KMT2B: variants seen among roughly 807,000 people sequenced by gnomAD.
KMT2B encodes histone-lysine N-methyltransferase 2B.
KMT2B carries 22 observed loss-of-function variants against 255.3 expected under a neutral mutation model. That is an observed-to-expected ratio of 0.09 (90% confidence interval 0.06 to 0.12). KMT2B has a LOEUF of 0.12. Among genes scored for constraint, KMT2B ranks in the 10% least tolerant of loss-of-function variants. The pLI is 1.00. For synonymous variants in KMT2B, 1,730 were observed against 1,498.1 expected, an observed-to-expected ratio of 1.15 and a Z score of -3.57; for missense variants, 3,149 against 3,737.0, an observed-to-expected ratio of 0.84 and a Z score of 4.10.
At chr19:35,730,486 GTCC>G in intron 24 of KMT2B, 24 bp downstream of exon 24, 2 of 1,613,936 alleles carry the variant, frequency 1.2e-6, no homozygotes, top group South Asian at 1.1e-5. Context: ...TCTCCGCCCT[GTCC>G]TCCTACCCTG....
intron 19 of KMT2B, 56 bp from the exon 20 acceptor site, chr19:35,728,718 C>T: frequency 7.3e-7 from 1 of 1,378,858 alleles, no homozygotes; most frequent in Non-Finnish European, 1.0e-6. Context: ...TGTGGATGGG[C>T]CCCCGTTCAG....
At position 35,718,628 on chromosome 19, in the gene KMT2B, A is replaced by T. The variant is rs1969054636; in HGVS notation, c.363+247A>T. 6.6e-6 allele frequency among the ~76,000 whole-genome samples: 1 copy of T among 152,146 alleles called. No individual in the cohort carries two copies. The highest frequency in any genetic ancestry group is 1.5e-5 in the Non-Finnish European group (1 of 68,028). ...GGTCCCGCTGAAGTGTCTTGGGCCG[A>T]TCCTTTTCGGCAGCTGGCAAAGCTA... is the stretch of plus-strand genomic sequence containing the variant. On this transcript the variant is annotated intron_variant, in intron 1 of 36. Coordinates refer to ENST00000420124, the MANE Select transcript of KMT2B (RefSeq NM_014727.3). This position sits in a 1 kb window ranked among gnomAD's most constrained non-coding sequence, Gnocchi z 5.0.
At position 35,734,486 on chromosome 19, in the gene KMT2B, G is replaced by A. The variant is rs779257585; in HGVS notation, c.7159+614G>A. On this transcript the variant is annotated intron_variant, in intron 30 of 36. Transcript: ENST00000420124. ...CGGGAGCGGGAGGTGGGCGAGCAGC[G>A]TGGAGGTGCTTGGTGTGAGGGCCAA... Among the ~76,000 whole-genome samples, 5 of 152,286 alleles carry A rather than the reference G, an allele frequency of 3.3e-5. No homozygotes were observed. The South Asian group carries it at 8.3e-4, about 25-fold the overall frequency.
Position 35,732,824 on chromosome 19 carries a change from G to T in KMT2B, c.6275G>T (p.Arg2092Leu). The T allele has an allele frequency of 6.2e-7, 1 of 1,606,782 alleles. No homozygotes were observed. Among genetic ancestry groups the T allele is most frequent in the Non-Finnish European group, 8.5e-7 (1 of 1,177,390 alleles). Residue 2092 changes from arginine to leucine, a missense_variant, in exon 28 of 37, where the codon CGG becomes CTG. Transcript: ENST00000420124. ...CCTCCTTCGGGGCCAGGAGTAGTCC[G>T]GGCAGGGGTCCTTGGGGCTGCAGGG... ...GTPPSGPGVV[R>L]AGVLGAAGDR...
rs374062006 is a variant in KMT2B, at chr19:35,732,719, G to T, written c.6170G>T (p.Arg2057Leu). 4 of 1,609,858 alleles carry T rather than the reference G, an allele frequency of 2.5e-6. No homozygotes were observed. Among genetic ancestry groups the T allele is most frequent in the South Asian group, 1.1e-5 (1 of 90,536 alleles). The part of the protein sequence containing the change: ...LAPSATPGAP[R>L]IEQLDGVDDG... ...CCCAGCGCTACCCCTGGAGCCCCCC[G>T]CATTGAACAGCTGGACGGCGTGGAC... The change falls in exon 28 of 37, where the codon CGC becomes CTC. Residue 2057 changes from arginine (R) to leucine (L), a missense_variant. Arg to Leu is a moderately radical substitution (Grantham distance 102). Transcript: ENST00000420124.
At position 35,732,675 on chromosome 19, in the gene KMT2B, G is replaced by A; in HGVS notation, c.6126G>A (p.Val2042=). 2 of 1,609,464 alleles carry A rather than the reference G, an allele frequency of 1.2e-6. No homozygotes were observed. The highest frequency in any genetic ancestry group is 1.7e-6 in the Non-Finnish European group (2 of 1,178,114). ...SRYIHFPVTV[V]SAPGLAPSAT... is the part of the protein sequence containing the mutation. ...ACATCCACTTCCCTGTGACTGTGGT[G>A]TCCGCCCCTGGTCTGGCCCCCAGCG... Residue 2042 remains valine, a synonymous_variant, in exon 28 of 37, where the codon GTG becomes GTA. Transcript: ENST00000420124.
chr19:35,731,833 G>C, intron 26 of KMT2B, 75 bp from the exon 27 acceptor site: 4 of 1,152,502 alleles, frequency 3.5e-6, no homozygotes, highest in Middle Eastern at 3.9e-4. Context: ...AGGCATAGTG[G>C]CTCAGGATGA....
In KMT2B at chr19:35,719,837, C is replaced by T. The variant is rs773749210; in HGVS notation, c.490C>T (p.Pro164Ser). Residue 164 changes from proline to serine, a missense_variant, in exon 3 of 37, where the codon CCT becomes TCT. By Grantham distance (74) the Pro-to-Ser change is moderately conservative. Around this residue, in one of 18 missense-constraint regions of KMT2B, gnomAD observed 1,188 missense variants for 1,106.4 expected, o/e 1.07. Coordinates refer to ENST00000420124, the MANE Select transcript of KMT2B (RefSeq NM_014727.3). ...GCATAAGACGACCCCCCTTCCTCCT[C>T]CTCGCCTAGCAGATGTGGCTCCTAC... is the stretch of plus-strand genomic sequence containing the variant. ...RKHKTTPLPPPRLADVAPTPP... is the reference protein window; with the variant it reads ...RKHKTTPLPPSRLADVAPTPP... 5.6e-6 allele frequency: 9 copies of T among 1,612,272 alleles called. No homozygotes were observed. The highest frequency in any genetic ancestry group is 4.4e-5 in the South Asian group (4 of 90,976).
chr19:35,725,854 A>G lies in KMT2B; in HGVS notation c.3885+36A>G. On this transcript the variant is annotated intron_variant, in intron 13 of 36. Transcript: ENST00000420124. The surrounding 1 kb of genome is among the most constrained non-coding windows in gnomAD (Gnocchi z 4.1). Reference sequence around the variant, plus strand: ...AGGTTCACCCACTTGCTTTGTCTCTAATGAATATCACCACCACCCCCAAAC... The same window carrying G: ...AGGTTCACCCACTTGCTTTGTCTCTGATGAATATCACCACCACCCCCAAAC... 2 of 1,509,754 alleles carry G rather than the reference A, an allele frequency of 1.3e-6. No individual in the cohort carries two copies. The highest frequency in any genetic ancestry group is 1.8e-6 in the Non-Finnish European group (2 of 1,108,932). 93.5% of individuals were successfully genotyped at this position (1,509,754 alleles called of 1,614,324 possible).
rs377239282 is a variant in KMT2B, at chr19:35,721,092, C to G, written c.1745C>G (p.Ser582Cys). 16 of 1,611,244 alleles carry G rather than the reference C, an allele frequency of 9.9e-6. No individual in the cohort carries two copies. The highest frequency in any genetic ancestry group is 1.3e-5 in the Non-Finnish European group (15 of 1,179,140). The part of the protein sequence containing the change: ...PVPQEPAPVP[S>C]PPRAPTPPST... The stretch of plus-strand genomic sequence containing the variant: ...CCCCAGGAGCCAGCACCAGTCCCCT[C>G]TCCACCACGTGCCCCAACTCCTCCA... The change falls in exon 3 of 37, where the codon TCT (serine) becomes TGT (cysteine). Residue 582 changes from serine to cysteine, a missense_variant. Ser to Cys is a moderately radical substitution (Grantham distance 112). Around this residue, in one of 18 missense-constraint regions of KMT2B, gnomAD observed 1,188 missense variants for 1,106.4 expected, o/e 1.07. Coordinates refer to ENST00000420124, the MANE Select transcript of KMT2B (RefSeq NM_014727.3).
chr19:35,721,671 C>G lies in KMT2B; in HGVS notation c.2324C>G (p.Ala775Gly), dbSNP rs749307851. Residue 775 changes from alanine to glycine, a missense_variant, in exon 3 of 37, where the codon GCC becomes GGC. Around this residue, in one of 18 missense-constraint regions of KMT2B, gnomAD observed 1,188 missense variants for 1,106.4 expected, o/e 1.07. Transcript: ENST00000420124. ...CAGCAGATGCCTCCCCTGGAAAAAG[C>G]CCGGATTGCGGGCGTGGGTTCCTTG... ...SPQQMPPLEK[A>G]RIAGVGSLPL... 2 of 1,612,562 alleles carry G rather than the reference C, an allele frequency of 1.2e-6. No individual in the cohort carries two copies. Among genetic ancestry groups the G allele is most frequent in the Admixed American group, 1.7e-5 (1 of 59,692 alleles).
Position 35,725,095 on chromosome 19 carries a change from A to G in KMT2B, c.3528+8A>G. The G allele has an allele frequency of 1.2e-6, 2 of 1,606,230 alleles. No homozygotes were observed. Among genetic ancestry groups the G allele is most frequent in the African/African-American group, 1.3e-5 (1 of 74,814 alleles). On this transcript the variant is annotated splice_region_variant and intron_variant, in intron 10 of 36. Transcript: ENST00000420124. The surrounding 1 kb of genome is among the most constrained non-coding windows in gnomAD (Gnocchi z 4.1). ...GTCCGTGTGGATTTTAAGGTATGGC[A>G]TTGAGTGGGGCGAGTCACAGAGCCT... is the stretch of plus-strand genomic sequence containing the variant.
rs1412784172 is a variant in KMT2B at position 35,721,040 on chromosome 19, C to T, written c.1693C>T (p.Pro565Ser). 1.2e-6 allele frequency: 2 copies of T among 1,609,008 alleles called. No individual in the cohort carries two copies. Among genetic ancestry groups the T allele is most frequent in the Admixed American group, 1.7e-5 (1 of 59,580 alleles). The change falls in exon 3 of 37, where the codon CCT (proline) becomes TCT (serine). Residue 565 changes from proline (P) to serine (S), a missense_variant. This residue lies in a region of KMT2B where 1,188 missense variants were observed against 1,106.4 expected (regional missense o/e 1.07). Transcript: ENST00000420124. ...GGTGGAGGTCTCACCTGTCCTGCGACCTCCCATTACCACCTCCCCACCTGT... is the reference window on the plus strand; with the variant it reads ...GGTGGAGGTCTCACCTGTCCTGCGATCTCCCATTACCACCTCCCCACCTGT... The part of the protein sequence containing the change: ...PKVEVSPVLR[P>S]PITTSPPVPQ...
rs1969154137 is a variant in KMT2B at position 35,720,654 on chromosome 19, T to C, written c.1307T>C (p.Val436Ala). 8.7e-7 allele frequency: 1 copy of C among 1,143,848 alleles called. No individual in the cohort carries two copies. Among genetic ancestry groups the C allele is most frequent in the Admixed American group, 3.8e-5 (1 of 26,574 alleles). The allele number at this position is 1,143,848 out of a possible 1,614,324, so 70.9% of individuals were successfully genotyped here. The change falls in exon 3 of 37, where the codon GTG becomes GCG. Residue 436 changes from valine to alanine, a missense_variant. Physicochemically the swap from Val to Ala is moderately conservative, Grantham distance 64 (BLOSUM62 0). Around this residue, in one of 18 missense-constraint regions of KMT2B, gnomAD observed 1,188 missense variants for 1,106.4 expected, o/e 1.07. Coordinates refer to ENST00000420124, the MANE Select transcript of KMT2B (RefSeq NM_014727.3). ...PPLCPPPPPP[V>A]SPPPLPSPPP... ...CTCTGCCCTCCACCACCACCCCCAG[T>C]GTCCCCACCACCTCTACCATCCCCT...
In KMT2B at chr19:35,732,141, C is replaced by T; in HGVS notation, c.5665+6C>T. ...TGGCCCCCTGCCCTCCCCTGGTGAG[C>T]ACCGGGCATGTGGGGGTTGGGGGTG... is the stretch of plus-strand genomic sequence containing the variant. On this transcript the variant is annotated splice_donor_region_variant and intron_variant, in intron 27 of 36. Transcript: ENST00000420124. The T allele has an allele frequency of 6.3e-7, 1 of 1,583,080 alleles. No homozygotes were observed.
chr19:35,726,589 T>G (rs560621276), intron 14 of KMT2B, among the ~76,000 whole-genome samples: 1 of 152,164 alleles, frequency 6.6e-6, no homozygotes, highest in Non-Finnish European at 1.5e-5. Flanking sequence ...TCTTGGTGTC[T>G]GAGGTACTTC....
In KMT2B at chr19:35,721,222, T is replaced by G. The variant is rs931049360; in HGVS notation, c.1875T>G (p.Pro625=). The change falls in exon 3 of 37, where the codon CCT becomes CCG. Residue 625 remains proline (P), a synonymous_variant. Coordinates refer to ENST00000420124, the MANE Select transcript of KMT2B (RefSeq NM_014727.3). ...AGCTGCCCCCTCCTCCCCCAGCCCC[T>G]CCACCTCCCCCGGCCCCCTCCCCAC... ...TRELPPPPPA[P]PPPPAPSPPP... is the part of the protein sequence containing the mutation. 1.6e-5 allele frequency: 3 copies of G among 191,988 alleles called. No individual in the cohort carries two copies. The highest frequency in any genetic ancestry group is 2.4e-4 in the East Asian group (1 of 4,148). The allele number at this position is 191,988 out of a possible 1,614,324, so 11.9% of individuals were successfully genotyped here. A position where few individuals can be genotyped will look rare whatever the true frequency, so the allele number is the denominator to read the frequency against.
chr19:35,729,825 G>A (rs1047026355), intron 22 of KMT2B, 142 bp from the exon 23 acceptor site: 1 of 742,046 alleles, frequency 1.3e-6, no homozygotes, highest in Admixed American at 2.8e-5. Flanking sequence ...CCTGGGCCTG[G>A]ATGCGGCTGG....
Position 35,733,899 on chromosome 19 carries a change from C to G in KMT2B, c.7159+27C>G. 2 of 1,524,974 alleles carry G rather than the reference C, an allele frequency of 1.3e-6. No individual in the cohort carries two copies. Among genetic ancestry groups the G allele is most frequent in the Non-Finnish European group, 1.8e-6 (2 of 1,104,528 alleles). 94.5% of individuals were successfully genotyped at this position (1,524,974 alleles called of 1,614,324 possible). On this transcript the variant is annotated intron_variant, in intron 30 of 36. Transcript: ENST00000420124. The surrounding 1 kb of genome is among the most constrained non-coding windows in gnomAD (Gnocchi z 4.3). ...TAGGGACCGGCCTTGCCCTCTCCCT[C>G]CTTGCCTGTGCCTGGCTCAGCTGGG... is the stretch of plus-strand genomic sequence containing the variant.
Sources: gnomAD v4.1 joint callset for allele counts (sites outside exome capture counted in the v4.1 genomes callset) on GRCh38, gnomAD v4.1.1 for gene constraint, gnomAD v4.1.1 regional missense constraint, Gnocchi (gnomAD v3.1) non-coding constraint, MANE v1.5 for transcripts, NCBI Gene and HGNC (gene_info 2026-07-23, HGNC 2026-07-21) for gene names.